The following KRABD5 variants were observed in gnomAD, a reference collection of about 807,000 sequenced individuals.
KRABD5 encodes KRAB domain containing 5.
At chr16:31,746,132 G>A in the KRABD5 span, among the ~76,000 whole-genome samples, 1 of 152,172 alleles carries the variant, frequency 6.6e-6, no homozygotes, top group Non-Finnish European at 1.5e-5. Flanking sequence ...GGTTAGTATC[G>A]TTATGTGTGA....
At chr16:31,748,368 A>T in the KRABD5 span, among the ~76,000 whole-genome samples, 1 of 152,174 alleles carries the variant, frequency 6.6e-6, no homozygotes, top group African/African-American at 2.4e-5. Context: ...TTGGTACCAG[A>T]ACCATGCTGT....
chr16:31,759,521 C>A, the KRABD5 span: 3 of 1,143,302 alleles, frequency 2.6e-6, no homozygotes, highest in Non-Finnish European at 3.8e-6. Context: ...AAGGTTTATG[C>A]CTTGCAATGT....
chr16:31,714,580 C>A, the KRABD5 span, among the ~76,000 whole-genome samples: 1 of 152,184 alleles, frequency 6.6e-6, no homozygotes, highest in Non-Finnish European at 1.5e-5. Flanking sequence ...AAAGAGAGAG[C>A]CTGCGAATTG....
the KRABD5 span, among the ~76,000 whole-genome samples, chr16:31,747,797 A>T: frequency 2.0e-5 from 3 of 152,156 alleles, no homozygotes; most frequent in Non-Finnish European, 4.4e-5. Context: ...TCTTTTGAGA[A>T]GTGTCTGTTC....
At chr16:31,730,270 C>G in the KRABD5 span, among the ~76,000 whole-genome samples, 2 of 151,752 alleles carry the variant, frequency 1.3e-5, no homozygotes, top group South Asian at 4.1e-4. Flanking sequence ...CTTCATCTCT[C>G]TTTTATTTCT....
the KRABD5 span, among the ~76,000 whole-genome samples, chr16:31,746,903 C>T: frequency 1.3e-5 from 2 of 151,666 alleles, no homozygotes; most frequent in Admixed American, 1.3e-4. Flanking sequence ...CTGCCTGGTT[C>T]GTTTGGCCAT....
chr16:31,715,502 TC>T, the KRABD5 span, among the ~76,000 whole-genome samples: 1 of 152,238 alleles, frequency 6.6e-6, no homozygotes, highest in African/African-American at 2.4e-5. Context: ...CTGAGTTGTA[TC>T]TTTTATAATA....
At chr16:31,738,359 G>T in the KRABD5 span, among the ~76,000 whole-genome samples, 2 of 152,010 alleles carry the variant, frequency 1.3e-5, no homozygotes, top group Non-Finnish European at 2.9e-5. Context: ...TTTGCTAGTT[G>T]CTGCATATAT....
At chr16:31,759,880 A>G in the KRABD5 span, 1 of 152,728 alleles carries the variant, frequency 6.5e-6, no homozygotes, top group Non-Finnish European at 1.5e-5. Context: ...TAAAAAATTA[A>G]ATATTACATA....
the KRABD5 span, among the ~76,000 whole-genome samples, chr16:31,716,997 G>GTTTT: frequency 7.9e-4 from 64 of 81,090 alleles, no homozygotes; most frequent in Admixed American, 9.2e-4. Context: ...GTCAGTCTTT[G>GTTTT]TTTTTTTTTT....
the KRABD5 span, chr16:31,758,488 T>A: frequency 6.6e-6 from 1 of 151,956 alleles, no homozygotes; most frequent in Admixed American, 6.6e-5. Flanking sequence ...AAAGAGTGTA[T>A]TTGGGCCAGT....
the KRABD5 span, chr16:31,714,243 T>G: frequency 5.0e-6 from 2 of 401,214 alleles, no homozygotes; most frequent in Non-Finnish European, 9.9e-6. Flanking sequence ...AATGACATGT[T>G]TCTTGCTCGA....
the KRABD5 span, among the ~76,000 whole-genome samples, chr16:31,751,996 T>C: frequency 6.6e-6 from 1 of 152,226 alleles, no homozygotes; most frequent in East Asian, 1.9e-4. Flanking sequence ...AATTTCTGCC[T>C]TGATATCATT....
At chr16:31,718,486 G>A in the KRABD5 span, among the ~76,000 whole-genome samples, 2 of 152,224 alleles carry the variant, frequency 1.3e-5, no homozygotes, top group Admixed American at 6.5e-5. Context: ...AGCTGCTGCA[G>A]TTCTGTGAGG....
At chr16:31,719,242 C>T in the KRABD5 span, among the ~76,000 whole-genome samples, 1 of 152,188 alleles carries the variant, frequency 6.6e-6, no homozygotes. Flanking sequence ...CTTATTTGAC[C>T]TTGTGAGTTC....
the KRABD5 span, among the ~76,000 whole-genome samples, chr16:31,734,893 T>C: frequency 2.6e-5 from 4 of 151,918 alleles, no homozygotes; most frequent in African/African-American, 9.7e-5. Context: ...ATTACAGGCA[T>C]GCACCACCAT....
the KRABD5 span, among the ~76,000 whole-genome samples, chr16:31,726,845 A>G: frequency 1.3e-5 from 2 of 152,218 alleles, no homozygotes; most frequent in South Asian, 4.1e-4. Flanking sequence ...AATAGGGATT[A>G]CACTGTATCT....
the KRABD5 span, chr16:31,714,258 G>A: frequency 2.7e-5 from 11 of 412,576 alleles, no homozygotes; most frequent in African/African-American, 1.7e-4. Flanking sequence ...GCTCGAAAGA[G>A]GTATTTTGGC....
the KRABD5 span, among the ~76,000 whole-genome samples, chr16:31,722,448 CCA>C: frequency 2.6e-5 from 4 of 152,136 alleles, no homozygotes; most frequent in African/African-American, 9.7e-5. Context: ...CATTCTCTTT[CCA>C]CAGAGTTAGA....
Sources: allele counts gnomAD v4.1 joint callset (sites outside exome capture counted in the v4.1 genomes callset), GRCh38; gene constraint gnomAD v4.1.1; transcripts MANE v1.5; gene names NCBI Gene and HGNC (gene_info 2026-07-23, HGNC 2026-07-21).